SHISA9: variants seen among roughly 807,000 people sequenced by gnomAD.
SHISA9 encodes protein shisa-9.
Under a neutral mutation model 38.0 loss-of-function variants are expected in SHISA9, and 13 were observed. The ratio of observed to expected loss-of-function variants is 0.34; its 90% CI spans 0.22 to 0.54. SHISA9 has a LOEUF of 0.54. Among genes scored for constraint, SHISA9 ranks in the 20% least tolerant of loss-of-function variants. The pLI, the probability that SHISA9 is intolerant of heterozygous loss-of-function variation, is 0.91. For missense variants in SHISA9, 538 were observed against 575.8 expected (o/e 0.93, Z 0.67); for synonymous variants, 275 against 242.0 (o/e 1.14, Z -1.27).
At chr16:13,495,569 T>C in the SHISA9 span, among the ~76,000 whole-genome samples, 1 of 152,256 alleles carries the variant, frequency 6.6e-6, no homozygotes, top group African/African-American at 2.4e-5. Flanking sequence ...TTCTATGTAT[T>C]ATTCTGTACT....
chr16:13,224,993 G>T (rs2051264988), intron 4 of SHISA9, among the ~76,000 whole-genome samples: 1 of 152,156 alleles, frequency 6.6e-6, no homozygotes, highest in Admixed American at 6.5e-5. Context: ...CATGGAAATA[G>T]AGTCTTTGCA....
At chr16:13,084,992 G>C (rs1427358905) in intron 2 of SHISA9, among the ~76,000 whole-genome samples, 2 of 152,172 alleles carry the variant, frequency 1.3e-5, no homozygotes, top group Non-Finnish European at 2.9e-5. Context: ...TGGAGATTCA[G>C]TTCTTTAATA....
chr16:13,162,301 G>C (rs2050601915), intron 2 of SHISA9, among the ~76,000 whole-genome samples: 1 of 152,154 alleles, frequency 6.6e-6, no homozygotes, highest in African/African-American at 2.4e-5. Context: ...ATGAGTGGGT[G>C]TAGAATCGTG....
chr16:13,109,489 T>A (rs1286801745), intron 2 of SHISA9, among the ~76,000 whole-genome samples: 2 of 152,202 alleles, frequency 1.3e-5, no homozygotes, highest in Non-Finnish European at 2.9e-5. Flanking sequence ...CAGTTGTTCA[T>A]AAAAGCTGAA....
the SHISA9 span, among the ~76,000 whole-genome samples, chr16:13,469,373 G>GAAAGAAAAGAA: frequency 1.0e-3 from 87 of 83,492 alleles, 1 homozygote; most frequent in Non-Finnish European, 8.8e-4. Context: ...GAAAAAGAAA[G>GAAAGAAAAGAA]AAAGAAAGAA....
intron 3 of SHISA9, among the ~76,000 whole-genome samples, chr16:13,208,419 T>A (rs899839347): frequency 6.8e-6 from 1 of 147,856 alleles, no homozygotes; most frequent in African/African-American, 2.6e-5. Flanking sequence ...AGAGACCTCT[T>A]TTCCTTTCTT....
the SHISA9 span, among the ~76,000 whole-genome samples, chr16:13,471,281 T>G: frequency 0.99 from 150,209 of 152,274 alleles, 74,095 homozygotes; most frequent in East Asian, 1. Flanking sequence ...AAGGGCTGTG[T>G]TGTGGTCATC....
At chr16:13,469,411 A>AAGAAAGAAAGAAAGAG in the SHISA9 span, among the ~76,000 whole-genome samples, 14 of 127,300 alleles carry the variant, frequency 1.1e-4, no homozygotes, top group African/African-American at 4.5e-4. Flanking sequence ...GAAAGAAAGA[A>AAGAAAGAAAGAAAGAG]AGAAAGAAAG....
At chr16:13,221,113 C>G (rs935493276) in intron 4 of SHISA9, among the ~76,000 whole-genome samples, 1 of 152,044 alleles carries the variant, frequency 6.6e-6, no homozygotes, top group Non-Finnish European at 1.5e-5. Context: ...CTCCTGGACG[C>G]CTTTTTCCGG....
chr16:13,189,265 T>G (rs2050859589), intron 2 of SHISA9, among the ~76,000 whole-genome samples: 1 of 152,182 alleles, frequency 6.6e-6, no homozygotes, highest in Admixed American at 6.6e-5. Flanking sequence ...GGTCGGTTGG[T>G]GGGCATGGTA....
intron 1 of SHISA9, chr16:12,908,982 A>G (rs192105372): frequency 4.0e-6 from 4 of 1,005,316 alleles, no homozygotes; most frequent in Admixed American, 5.4e-5. Context: ...AGAAATAGCA[A>G]CAAATAATGA....
chr16:13,024,230 G>A (rs961699397), intron 2 of SHISA9, among the ~76,000 whole-genome samples: 2 of 152,350 alleles, frequency 1.3e-5, no homozygotes, highest in Non-Finnish European at 2.9e-5. Context: ...CTAGGATAAA[G>A]GAAGCATTTG....
chr16:12,971,490 G>T (rs1030384861), intron 2 of SHISA9, among the ~76,000 whole-genome samples: 2 of 152,210 alleles, frequency 1.3e-5, no homozygotes, highest in African/African-American at 2.4e-5. Context: ...AGCCACTGAA[G>T]CTTGGGAGAG....
chr16:13,165,425 T>C (rs1356496018), intron 2 of SHISA9, among the ~76,000 whole-genome samples: 1 of 152,224 alleles, frequency 6.6e-6, no homozygotes, highest in African/African-American at 2.4e-5. Context: ...TCATTAGAAG[T>C]TTGAATTTGC....
chr16:13,511,451 C>G, the SHISA9 span, among the ~76,000 whole-genome samples: 1 of 152,164 alleles, frequency 6.6e-6, no homozygotes, highest in African/African-American at 2.4e-5. Flanking sequence ...ATAACAGAGA[C>G]TGTTGCTTGA....
At chr16:13,490,506 A>G in the SHISA9 span, among the ~76,000 whole-genome samples, 1 of 152,218 alleles carries the variant, frequency 6.6e-6, no homozygotes, top group African/African-American at 2.4e-5. Flanking sequence ...TCAAGGCTGC[A>G]GTGAGCCATG....
chr16:13,438,971 C>T, the SHISA9 span, among the ~76,000 whole-genome samples: 5 of 152,088 alleles, frequency 3.3e-5, no homozygotes, highest in East Asian at 1.9e-4. Flanking sequence ...GGACATTTTA[C>T]GGGAGAGAGC....
chr16:13,134,704 G>A (rs1265329702), intron 2 of SHISA9, among the ~76,000 whole-genome samples: 1 of 152,100 alleles, frequency 6.6e-6, no homozygotes, highest in Non-Finnish European at 1.5e-5. Flanking sequence ...TAGTTGATGA[G>A]AGGTGTTTCA....
intron 2 of SHISA9, among the ~76,000 whole-genome samples, chr16:12,973,432 A>G (rs1596558353): frequency 1.3e-5 from 2 of 152,312 alleles, no homozygotes; most frequent in East Asian, 3.9e-4. Flanking sequence ...CCATAAAGAT[A>G]TAGGCTACAG....
Sources: gnomAD v4.1 joint callset for allele counts (sites outside exome capture counted in the v4.1 genomes callset) on GRCh38, gnomAD v4.1.1 for gene constraint, MANE v1.5 for transcripts, NCBI Gene and HGNC (gene_info 2026-07-23, HGNC 2026-07-21) for gene names.